EBF4: variants seen among roughly 807,000 people sequenced by gnomAD.
EBF4 encodes EBF transcription factor 4, also known as transcription factor COE4.
EBF4 carries 34 observed loss-of-function variants against 67.1 expected under a neutral mutation model. That is an observed-to-expected ratio of 0.51 (90% CI 0.39 to 0.67). The LOEUF (loss-of-function observed/expected upper bound fraction) is 0.67. Among genes scored for constraint, EBF4 ranks in the 30% least tolerant of loss-of-function variants. The pLI is 0.00. For missense variants in EBF4, 837 were observed against 873.3 expected (o/e 0.96, Z 0.52); for synonymous variants, 387 against 377.7 (o/e 1.02, Z -0.29).
At chr20:2,748,801 G>C (rs932511734) in intron 7 of EBF4, among the ~76,000 whole-genome samples, 171 bp downstream of exon 7, 2 of 152,236 alleles carry the variant, frequency 1.3e-5, no homozygotes, top group Admixed American at 6.5e-5. Flanking sequence ...GGGTGGGGCA[G>C]CTCCTTCTCA....
chr20:2,715,996 G>C (rs1489899079), intron 6 of EBF4, among the ~76,000 whole-genome samples: 1 of 151,894 alleles, frequency 6.6e-6, no homozygotes, highest in Non-Finnish European at 1.5e-5. Context: ...TGGTCTGCCT[G>C]CCTTGGCCTC....
chr20:2,716,386 G>A (rs915962576), intron 6 of EBF4, among the ~76,000 whole-genome samples: 11 of 151,902 alleles, frequency 7.2e-5, no homozygotes, highest in East Asian at 2.0e-4. Flanking sequence ...AAAATCAGCC[G>A]GGTGTGGTGG....
chr20:2,740,269 C>T (rs988550362), intron 6 of EBF4, among the ~76,000 whole-genome samples: 7 of 152,052 alleles, frequency 4.6e-5, no homozygotes, highest in Non-Finnish European at 8.8e-5. Flanking sequence ...GCCGAGATCA[C>T]GCCACTGCAC....
At chr20:2,713,180 G>T (rs1172423821) in intron 6 of EBF4, among the ~76,000 whole-genome samples, 1 of 152,216 alleles carries the variant, frequency 6.6e-6, no homozygotes, top group Non-Finnish European at 1.5e-5. Flanking sequence ...GGATGCAAGA[G>T]AGAGGGGAGA....
In EBF4 at chr20:2,745,068, G is replaced by A. The variant is rs191294590; in HGVS notation, c.558-3481G>A. Among the ~76,000 whole-genome samples the A allele has an allele frequency of 1.2e-3, 190 of 152,310 alleles. No homozygotes were observed. Among genetic ancestry groups the A allele is most frequent in the Middle Eastern group, 3.4e-3 (1 of 294 alleles). On this transcript the variant is annotated intron_variant, in intron 6 of 16. Transcript: ENST00000609451. This position sits in a 1 kb window ranked among gnomAD's most constrained non-coding sequence, Gnocchi z 5.2. ...GCTGGTGGCTATAGTAATGGGTAGC[G>A]CAGCTCCAGTGCGGTAGTTCTCAAA...
At chr20:2,694,445 C>T (rs541676276) in intron 1 of EBF4, among the ~76,000 whole-genome samples, 5 of 152,278 alleles carry the variant, frequency 3.3e-5, no homozygotes, top group African/African-American at 1.2e-4. Context: ...CCTCTGACTC[C>T]TTTGCAGGGG....
chr20:2,743,984 C>T (rs2088007235), intron 6 of EBF4, among the ~76,000 whole-genome samples: 1 of 152,172 alleles, frequency 6.6e-6, no homozygotes, highest in Non-Finnish European at 1.5e-5. Flanking sequence ...CTATAACCCA[C>T]TTCTCTTCTC....
intron 6 of EBF4, among the ~76,000 whole-genome samples, chr20:2,732,296 A>G (rs971673663): frequency 3.3e-5 from 5 of 151,754 alleles, no homozygotes; most frequent in East Asian, 1.9e-4. Flanking sequence ...AATTTTTTGT[A>G]TTTTTAGTTG....
intron 1 of EBF4, 150 bp from the exon 2 acceptor site, chr20:2,705,427 C>T (rs1167646428): frequency 1.2e-5 from 13 of 1,065,382 alleles, no homozygotes; most frequent in Middle Eastern, 3.0e-4. Context: ...CCTGGTCAGG[C>T]TGGAAAGGGC....
intron 1 of EBF4, among the ~76,000 whole-genome samples, chr20:2,697,720 G>T (rs1366372628): frequency 6.6e-6 from 1 of 152,078 alleles, no homozygotes; most frequent in African/African-American, 2.4e-5. Context: ...GAGCCAACAG[G>T]ACGTTATCTC....
chr20:2,737,061 A>G (rs543718107), intron 6 of EBF4, among the ~76,000 whole-genome samples: 1 of 151,912 alleles, frequency 6.6e-6, no homozygotes, highest in South Asian at 2.1e-4. Flanking sequence ...CATCCTGGCT[A>G]ACACGGTGAA....
chr20:2,720,893 G>A (rs2087671203), intron 6 of EBF4, among the ~76,000 whole-genome samples: 1 of 152,128 alleles, frequency 6.6e-6, no homozygotes, highest in Admixed American at 6.5e-5. Flanking sequence ...TGGTTTGTAA[G>A]ATGTCGCTCC....
At chr20:2,758,801 C>A in intron 15 of EBF4, 108 bp from the exon 16 acceptor site, 1 of 984,920 alleles carries the variant, frequency 1.0e-6, no homozygotes, top group Non-Finnish European at 1.6e-6. Context: ...TGACTGCCTT[C>A]AGAAAGTGCT....
At chr20:2,737,063 C>G (rs1009120861) in intron 6 of EBF4, among the ~76,000 whole-genome samples, 1 of 151,918 alleles carries the variant, frequency 6.6e-6, no homozygotes, top group Non-Finnish European at 1.5e-5. Context: ...TCCTGGCTAA[C>G]ACGGTGAAAC....
At chr20:2,718,107 C>CT (rs1568573346) in intron 6 of EBF4, among the ~76,000 whole-genome samples, 2 of 152,238 alleles carry the variant, frequency 1.3e-5, no homozygotes, top group African/African-American at 4.8e-5. Flanking sequence ...CCGCACCCGG[C>CT]TGGTTAATGT....
At chr20:2,738,431 C>G (rs2087920857) in intron 6 of EBF4, among the ~76,000 whole-genome samples, 2 of 152,148 alleles carry the variant, frequency 1.3e-5, no homozygotes, top group Non-Finnish European at 2.9e-5. Context: ...TTCGTGGACT[C>G]TGATAGCCTG....
In EBF4 at chr20:2,706,048, G is replaced by A; in HGVS notation, c.358+11G>A. 1 of 1,551,522 alleles carries A rather than the reference G, an allele frequency of 6.4e-7. No individual in the cohort carries two copies. The highest frequency in any genetic ancestry group is 8.7e-7 in the Non-Finnish European group (1 of 1,146,920). On this transcript the variant is annotated intron_variant, in intron 3 of 16. Transcript: ENST00000609451. Reference sequence around the variant, plus strand: ...TGGTGTATAACAATGGTGAGTGGAGGCCCCTGCCCTACCCAGCCCTGCCCC... The same window carrying A: ...TGGTGTATAACAATGGTGAGTGGAGACCCCTGCCCTACCCAGCCCTGCCCC...
At chr20:2,729,116 T>C (rs2087781057) in intron 6 of EBF4, among the ~76,000 whole-genome samples, 1 of 152,174 alleles carries the variant, frequency 6.6e-6, no homozygotes, top group African/African-American at 2.4e-5. Flanking sequence ...TATTTTATAA[T>C]TCTATGAATT....
chr20:2,755,630 T>C lies in EBF4; in HGVS notation c.1544T>C (p.Met515Thr). The C allele has an allele frequency of 1.1e-6, 1 of 891,368 alleles. No individual in the cohort carries two copies. Among genetic ancestry groups the C allele is most frequent in the Non-Finnish European group, 1.7e-6 (1 of 605,940 alleles). The allele number at this position is 891,368 out of a possible 1,614,324, so 55.2% of individuals were successfully genotyped here. The change falls in exon 15 of 17, where the codon ATG (methionine) becomes ACG (threonine). Residue 515 changes from methionine to threonine, a missense_variant. Transcript: ENST00000609451. The surrounding 1 kb of genome is among the most constrained non-coding windows in gnomAD (Gnocchi z 4.7). ...CCCTCCCCGCCCCGCCCCGGAGTCA[T>C]GCCCTCTAGCCCCCCGCTGGCGGCT... is the stretch of plus-strand genomic sequence containing the variant.
Sources: gnomAD v4.1 joint callset for allele counts (sites outside exome capture counted in the v4.1 genomes callset) on GRCh38, gnomAD v4.1.1 for gene constraint, Gnocchi (gnomAD v3.1) non-coding constraint, MANE v1.5 for transcripts, NCBI Gene and HGNC (gene_info 2026-07-23, HGNC 2026-07-21) for gene names.